The following RALYL variants were observed in gnomAD, a reference collection of about 807,000 sequenced individuals.
RALYL encodes RNA-binding Raly-like protein.
Under a neutral mutation model 35.1 loss-of-function variants are expected in RALYL, and 29 were observed. The ratio of observed to expected loss-of-function variants is 0.83; its 90% CI spans 0.61 to 1.13. RALYL has a LOEUF of 1.13. Among genes scored for constraint, RALYL ranks in the 50% most tolerant of loss-of-function variants. The pLI is 0.00. For missense variants in RALYL, 359 were observed against 360.4 expected, an observed-to-expected ratio of 1.00 and a Z score of 0.03; for synonymous variants, 120 against 127.6, an observed-to-expected ratio of 0.94 and a Z score of 0.40.
intron 1 of RALYL, among the ~76,000 whole-genome samples, chr8:84,504,845 G>T (rs1291950687): frequency 1.3e-5 from 2 of 152,098 alleles, no homozygotes; most frequent in Non-Finnish European, 2.9e-5. Flanking sequence ...TCAGTGCAGA[G>T]GAGTAAAGGC....
intron 4 of RALYL, among the ~76,000 whole-genome samples, chr8:84,819,868 C>G (rs1301115969): frequency 6.6e-6 from 1 of 152,108 alleles, no homozygotes; most frequent in Non-Finnish European, 1.5e-5. Context: ...ATCAGCACTT[C>G]TACCACTATC....
intron 1 of RALYL, among the ~76,000 whole-genome samples, chr8:84,525,534 A>G (rs2134815775): frequency 6.6e-6 from 1 of 151,984 alleles, no homozygotes; most frequent in East Asian, 1.9e-4. Flanking sequence ...ATTTTTATCA[A>G]ATTTGGAATA....
At chr8:84,463,421 A>G (rs1448435551) in intron 1 of RALYL, among the ~76,000 whole-genome samples, 1 of 152,064 alleles carries the variant, frequency 6.6e-6, no homozygotes, top group Admixed American at 6.6e-5. Flanking sequence ...AATATTTTTC[A>G]AGTGTGGAAA....
At chr8:84,774,400 A>G (rs577237876) in intron 2 of RALYL, among the ~76,000 whole-genome samples, 179 bp from the exon 3 acceptor site, 2 of 152,332 alleles carry the variant, frequency 1.3e-5, no homozygotes, top group Admixed American at 6.5e-5. Flanking sequence ...TTTGTGCATG[A>G]CATATCCCAA....
chr8:84,353,889 C>A (rs1851361854), intron 1 of RALYL, among the ~76,000 whole-genome samples: 1 of 149,708 alleles, frequency 6.7e-6, no homozygotes, highest in African/African-American at 2.5e-5. Flanking sequence ...CATTATATAA[C>A]AAAAGGATCA....
At chr8:84,438,211 G>A (rs1051199855) in intron 1 of RALYL, among the ~76,000 whole-genome samples, 1 of 152,006 alleles carries the variant, frequency 6.6e-6, no homozygotes, top group African/African-American at 2.4e-5. Context: ...TGTCTGTTTA[G>A]TTTACTCCGT....
chr8:84,919,349 T>C (rs1299074138), intron 8 of RALYL, among the ~76,000 whole-genome samples: 19 of 152,210 alleles, frequency 1.2e-4, no homozygotes, highest in Non-Finnish European at 1.5e-5. Context: ...TTTTATTTTA[T>C]TTTTTAAGTT....
chr8:84,198,483 C>T (rs1162962776), intron 1 of RALYL, among the ~76,000 whole-genome samples: 2 of 152,118 alleles, frequency 1.3e-5, no homozygotes, highest in African/African-American at 4.8e-5. Flanking sequence ...TATCCATCCC[C>T]TCAAGCATTT....
intron 1 of RALYL, among the ~76,000 whole-genome samples, chr8:84,416,903 AC>A (rs1436320312): frequency 7.9e-5 from 12 of 152,292 alleles, no homozygotes; most frequent in African/African-American, 1.2e-4. Context: ...TAGCCTTCTT[AC>A]TTTTTGTTTT....
chr8:84,193,915 G>T (rs1046209162), intron 1 of RALYL, among the ~76,000 whole-genome samples: 1 of 152,120 alleles, frequency 6.6e-6, no homozygotes, highest in South Asian at 2.1e-4. Context: ...ATAAATCTGG[G>T]CTGAGAAAGA....
intron 1 of RALYL, among the ~76,000 whole-genome samples, chr8:84,350,163 C>T (rs1452128675): frequency 6.6e-6 from 1 of 150,388 alleles, no homozygotes; most frequent in African/African-American, 2.5e-5. Context: ...TTTCGTAAGA[C>T]ACTGGGCAGC....
chr8:84,849,429 C>G lies in RALYL; in HGVS notation c.366-551C>G, dbSNP rs148477124. 1.9e-3 allele frequency among the ~76,000 whole-genome samples: 287 copies of G among 152,162 alleles called. 3 individuals carry two copies. Among genetic ancestry groups the G allele is most frequent in the African/African-American group, 6.8e-3 (281 of 41,512 alleles). ...TCAATACCTTTTGTTCATTATGTAG[C>G]CTCATTGTACATACCTTAGGAAGAA... On this transcript the variant is annotated intron_variant, in intron 4 of 8. Coordinates refer to ENST00000521268, the MANE Select transcript of RALYL (RefSeq NM_173848.7).
intron 7 of RALYL, among the ~76,000 whole-genome samples, chr8:84,882,111 C>T (rs894727342): frequency 6.6e-6 from 1 of 151,906 alleles, no homozygotes; most frequent in Non-Finnish European, 1.5e-5. Context: ...CATTATAAAC[C>T]GTTTCTTTTT....
intron 8 of RALYL, among the ~76,000 whole-genome samples, chr8:84,920,571 T>G (rs1298408974): frequency 2.0e-5 from 3 of 151,980 alleles, no homozygotes; most frequent in African/African-American, 7.2e-5. Context: ...GTAATTGAAA[T>G]CTCTTTCCCT....
intron 2 of RALYL, among the ~76,000 whole-genome samples, chr8:84,646,527 G>A (rs911527111): frequency 9.2e-5 from 14 of 152,082 alleles, no homozygotes; most frequent in Middle Eastern, 3.4e-3. Context: ...GCTGAAATGC[G>A]TCAATTCAAT....
chr8:84,754,314 A>G (rs987134082), intron 2 of RALYL, among the ~76,000 whole-genome samples: 1 of 152,118 alleles, frequency 6.6e-6, no homozygotes, highest in African/African-American at 2.4e-5. Flanking sequence ...TGGCAAGTCT[A>G]TTGCTACCAA....
chr8:84,188,119 CT>C (rs1812971647), intron 1 of RALYL, among the ~76,000 whole-genome samples: 1 of 152,000 alleles, frequency 6.6e-6, no homozygotes, highest in South Asian at 2.1e-4. Context: ...TTCTTTCCAA[CT>C]TTTAGTTTCA....
rs1240037601 is a variant in RALYL at position 84,921,106 on chromosome 8, G to T, written c.*195G>T. On this transcript the variant is annotated 3_prime_UTR_variant, in exon 9 of 9. Coordinates refer to ENST00000521268, the MANE Select transcript of RALYL (RefSeq NM_173848.7). ...ATGTTTTAAGCTGTACAATTGTCAGGTTTTTATGGTTTAAATTGTAAATGT... is the reference window on the plus strand; with the variant it reads ...ATGTTTTAAGCTGTACAATTGTCAGTTTTTTATGGTTTAAATTGTAAATGT... 1.6e-5 allele frequency: 6 copies of T among 382,438 alleles called. No homozygotes were observed. Among genetic ancestry groups the T allele is most frequent in the Non-Finnish European group, 2.4e-5 (5 of 208,694 alleles). The allele number at this position is 382,438 out of a possible 1,614,324, so 23.7% of individuals were successfully genotyped here.
chr8:84,471,881 T>G (rs753268161), intron 1 of RALYL, among the ~76,000 whole-genome samples: 43 of 152,178 alleles, frequency 2.8e-4, no homozygotes, highest in Middle Eastern at 3.2e-3. Context: ...AAAAATACCA[T>G]GAAGTGTTTG....
Sources: allele counts gnomAD v4.1 joint callset (sites outside exome capture counted in the v4.1 genomes callset), GRCh38; gene constraint gnomAD v4.1.1; transcripts MANE v1.5; gene names NCBI Gene and HGNC (gene_info 2026-07-23, HGNC 2026-07-21).